Variants in LCT observed in about 807,000 individuals in gnomAD.
LCT encodes the protein lactase.
Under a neutral mutation model 173.0 loss-of-function variants are expected in LCT, and 90 were observed. The observed-to-expected ratio is 0.52, with a 90% CI of 0.44 to 0.62. The LOEUF is 0.62. Among genes scored for constraint, LCT ranks in the 20% least tolerant of loss-of-function variants. The pLI is 0.00. For missense variants in LCT, 1,864 were observed against 2,431.4 expected (o/e 0.77, Z 4.91); for synonymous variants, 853 against 957.6 (o/e 0.89, Z 2.02).
At chr2:135,803,827 G>T in intron 11 of LCT, 103 bp downstream of exon 11, 1 of 1,036,754 alleles carries the variant, frequency 9.6e-7, no homozygotes, top group Non-Finnish European at 1.5e-6. Flanking sequence ...TTTCTGCCAT[G>T]GGGCTTTCTT....
intron 2 of LCT, among the ~76,000 whole-genome samples, chr2:135,830,967 G>A (rs926582432): frequency 5.9e-5 from 9 of 152,256 alleles, no homozygotes; most frequent in African/African-American, 2.2e-4. Context: ...AAATTTAGAA[G>A]TGCTGTAAGA....
Position 135,836,748 on chromosome 2 carries a change from AG to A in LCT, c.421del (p.Leu141SerfsTer25). 6.2e-7 allele frequency: 1 copy of A among 1,614,102 alleles called. No homozygotes were observed. Among genetic ancestry groups the A allele is most frequent in the African/African-American group, 1.3e-5 (1 of 75,032 alleles). On this transcript the variant is annotated frameshift_variant, in exon 1 of 17. Transcript: ENST00000264162. LOFTEE classifies it high-confidence loss of function. ...GTCAGCAAAGGCTTCGGTTCTCCGGAGGGTGCTGGCAGGGAGGGTCTGGTGG... is the reference window on the plus strand; with the variant it reads ...GTCAGCAAAGGCTTCGGTTCTCCGGAGGTGCTGGCAGGGAGGGTCTGGTGG... ...LHHQTLPASTLRRTEAFADLF... is the reference protein window; with the variant it reads ...LHHQTLPASTXRRTEAFADLF...
At chr2:135,798,344 T>A (rs541319372) in intron 12 of LCT, among the ~76,000 whole-genome samples, 5 of 152,308 alleles carry the variant, frequency 3.3e-5, no homozygotes, top group African/African-American at 1.2e-4. Flanking sequence ...TCAGTTGCTG[T>A]TGCACTGAGG....
chr2:135,829,190 C>CA lies in LCT; in HGVS notation c.804+402dup, dbSNP rs756461086. On this transcript the variant is annotated intron_variant, in intron 3 of 16. Transcript: ENST00000264162. Reference sequence around the variant, plus strand: ...TGGGCAACCGAGGAAGACTCCATCTCAAAAAAAAAAATTACCATCATAACC... The same window carrying CA: ...TGGGCAACCGAGGAAGACTCCATCTCAAAAAAAAAAAATTACCATCATAACC... Among the ~76,000 whole-genome samples the CA allele has an allele frequency of 8.6e-4, 126 of 145,692 alleles. 1 individual carries two copies. Among genetic ancestry groups the CA allele is most frequent in the Admixed American group, 8.2e-4 (12 of 14,648 alleles).
At position 135,808,898 on chromosome 2, in the gene LCT, G is replaced by A; in HGVS notation, c.3449C>T (p.Ser1150Phe). ...VEAADRMLQF[S>F]LGWFAHPIFR... The stretch of plus-strand genomic sequence containing the variant: ...AATGGGGTGAGCAAACCAGCCCAGG[G>A]AGAACTGCAGCATTCGGTCAGCGGC... Residue 1150 changes from serine to phenylalanine, a missense_variant, in exon 8 of 17, where the codon TCC (serine) becomes TTC (phenylalanine). Coordinates refer to ENST00000264162, the MANE Select transcript of LCT (RefSeq NM_002299.4). The A allele has an allele frequency of 1.2e-6, 2 of 1,614,230 alleles. No homozygotes were observed. The highest frequency in any genetic ancestry group is 1.1e-5 in the South Asian group (1 of 91,088).
intron 11 of LCT, among the ~76,000 whole-genome samples, chr2:135,801,100 G>A: frequency 6.6e-6 from 1 of 152,210 alleles, no homozygotes; most frequent in Admixed American, 6.5e-5. Context: ...ACTGTGTCTG[G>A]AAGAGGGAAG....
At chr2:135,833,050 T>C in intron 2 of LCT, 61 bp downstream of exon 2, 1 of 1,307,662 alleles carries the variant, frequency 7.6e-7, no homozygotes, top group Non-Finnish European at 1.1e-6. Context: ...TCTCTTGTTT[T>C]TAAAAAATTA....
At chr2:135,813,009 A>AT (rs774587679) in intron 6 of LCT, 53 bp from the exon 7 acceptor site, 2 of 1,498,708 alleles carry the variant, frequency 1.3e-6, no homozygotes, top group South Asian at 2.3e-5. Context: ...AACAATGACA[A>AT]CAACAGGACT....
chr2:135,811,236 A>G (rs2077732211), intron 7 of LCT, among the ~76,000 whole-genome samples: 1 of 152,032 alleles, frequency 6.6e-6, no homozygotes, highest in Non-Finnish European at 1.5e-5. Flanking sequence ...TAAAGCCTAA[A>G]ACATATATTC....
At position 135,817,280 on chromosome 2, in the gene LCT, C is replaced by T. The variant is rs1267808194; in HGVS notation, c.1707+61G>A. The T allele has an allele frequency of 6.4e-6, 10 of 1,561,334 alleles. No individual in the cohort carries two copies. The East Asian group carries it at 1.6e-4, about 25-fold the overall frequency. Reference sequence around the variant, plus strand: ...TGATGGAAGAAAACAGAGAAAATGACTTTCTTCCAGCCAATGTCCTTTCTC... The same window carrying T: ...TGATGGAAGAAAACAGAGAAAATGATTTTCTTCCAGCCAATGTCCTTTCTC... On this transcript the variant is annotated intron_variant, in intron 6 of 16. Transcript: ENST00000264162.
chr2:135,812,780 C>T lies in LCT; in HGVS notation c.1884G>A (p.Leu628=). Residue 628 remains leucine, a synonymous_variant, in exon 7 of 17, where the codon CTG becomes CTA. Transcript: ENST00000264162. Reference sequence around the variant, plus strand: ...CAAAGACGGGGTGTGCAAACCAGCCCAGCATGAAGTGCAAGAAGCGCTCAG... The same window carrying T: ...CAAAGACGGGGTGTGCAAACCAGCCTAGCATGAAGTGCAAGAAGCGCTCAG... ...RASERFLHFM[L]GWFAHPVFVD... is the part of the protein sequence containing the mutation. 1 of 1,614,164 alleles carries T rather than the reference C, an allele frequency of 6.2e-7. No homozygotes were observed. Among genetic ancestry groups the T allele is most frequent in the Non-Finnish European group, 8.5e-7 (1 of 1,180,038 alleles).
chr2:135,836,499 A>G, intron 1 of LCT, 31 bp downstream of exon 1: 1 of 1,609,474 alleles, frequency 6.2e-7, no homozygotes, highest in East Asian at 2.2e-5. Flanking sequence ...AAGGTTGCCG[A>G]GGGGTCACCA....
chr2:135,830,486 C>G (rs529800673), intron 2 of LCT, among the ~76,000 whole-genome samples: 1 of 152,318 alleles, frequency 6.6e-6, no homozygotes, highest in East Asian at 1.9e-4. Context: ...TCTGCTTCTT[C>G]AAGACAAGGA....
intron 13 of LCT, among the ~76,000 whole-genome samples, chr2:135,795,188 T>C (rs1057105461): frequency 2.7e-5 from 4 of 148,630 alleles, no homozygotes; most frequent in African/African-American, 7.5e-5. Context: ...TCTTCCCCTA[T>C]GTTTGTAAAG....
rs1261558800 is a variant in LCT, at chr2:135,807,306, A to C, written c.3995T>G (p.Phe1332Cys). 3 of 1,614,220 alleles carry C rather than the reference A, an allele frequency of 1.9e-6. No individual in the cohort carries two copies. The African/African-American group carries it at 4.0e-5, about 22-fold the overall frequency. ...GTTGAAATCAACATGGTACAGTCCA[A>C]ACTTGACCGTGTAGCCATTTAGCCA... ...FEWLNGYTVK[F>C]GLYHVDFNNT... The change falls in exon 9 of 17, where the codon TTT becomes TGT. Residue 1332 changes from phenylalanine (F) to cysteine (C), a missense_variant. This residue lies in a region of LCT where 755 missense variants were observed against 926.3 expected (regional missense o/e 0.82). Coordinates refer to ENST00000264162, the MANE Select transcript of LCT (RefSeq NM_002299.4).
intron 1 of LCT, 79 bp downstream of exon 1, chr2:135,836,451 C>T (rs755609640): frequency 2.5e-5 from 33 of 1,306,350 alleles, no homozygotes; most frequent in Non-Finnish European, 3.4e-5. Flanking sequence ...GGAGAAATGT[C>T]GAATCTGCTC....
chr2:135,817,595 G>A lies in LCT; in HGVS notation c.1453C>T (p.Gln485Ter), dbSNP rs779838486. ...GCCATGGGCTCGATGCCCGCATCCT[G>A]TAGCCTGTCAATCAGCTTGTTGTAG... The part of the protein sequence containing the change: ...AYYNKLIDRL[Q>*]DAGIEPMATL... The change falls in exon 6 of 17, where the codon CAG becomes TAG. Residue 485 changes from glutamine to a stop codon, truncating the protein, a stop_gained. Coordinates refer to ENST00000264162, the MANE Select transcript of LCT (RefSeq NM_002299.4). LOFTEE classifies it high-confidence loss of function. 4 of 1,614,158 alleles carry A rather than the reference G, an allele frequency of 2.5e-6. No homozygotes were observed. Among genetic ancestry groups the A allele is most frequent in the South Asian group, 1.1e-5 (1 of 91,084 alleles).
Position 135,808,669 on chromosome 2 carries a change from G to A in LCT, c.3678C>T (p.Tyr1226=), listed in dbSNP as rs375443461. Residue 1226 remains tyrosine (Y), a synonymous_variant, in exon 8 of 17, where the codon TAC becomes TAT. Transcript: ENST00000264162. ...CCTCAGCCATCTCCTGGTCGTCTTC[G>A]TAGGAGGGTGGGTTTAGCCTGGGTG... ...HKTPRLNPPS[Y]EDDQEMAEEE... The A allele has an allele frequency of 2.0e-5, 32 of 1,614,054 alleles. No individual in the cohort carries two copies. The African/African-American group carries it at 3.7e-4, about 19-fold the overall frequency.
Position 135,833,176 on chromosome 2 carries a change from CAG to C in LCT, c.653_654del (p.Ser218CysfsTer6), listed in dbSNP as rs386833838. 1 of 1,613,490 alleles carries C rather than the reference CAG, an allele frequency of 6.2e-7. No homozygotes were observed. The highest frequency in any genetic ancestry group is 8.5e-7 in the Non-Finnish European group (1 of 1,179,814). ...ESYAFQGGKLSVVLRAEDIPE... is the reference protein window; with the variant it reads ...ESYAFQGGKLXVVLRAEDIPE... ...GGGATATCTTCAGCTCGCAGGACAA[CAG>C]AGAGTTTTCCGCCTGAAACCAACCA... is the stretch of plus-strand genomic sequence containing the variant. On this transcript the variant is annotated frameshift_variant, in exon 2 of 17. Coordinates refer to ENST00000264162, the MANE Select transcript of LCT (RefSeq NM_002299.4). LOFTEE classifies it high-confidence loss of function.
Sources: gnomAD v4.1 joint callset for allele counts (sites outside exome capture counted in the v4.1 genomes callset) on GRCh38, gnomAD v4.1.1 for gene constraint, gnomAD v4.1.1 regional missense constraint, MANE v1.5 for transcripts, NCBI Gene and HGNC (gene_info 2026-07-23, HGNC 2026-07-21) for gene names.